The following GPR160 variants were observed in gnomAD, a reference collection of about 807,000 sequenced individuals.
The protein encoded by GPR160 is G protein-coupled receptor 160, also known as probable G protein-coupled receptor 160.
In GPR160, 2 loss-of-function variants were observed where a neutral mutation model predicts 2.6. That is an observed-to-expected ratio of 0.77 (90% CI 0.32 to 2.44). GPR160 has a LOEUF of 2.44. Ranked by LOEUF, GPR160 falls within the 30% of genes most tolerant of loss-of-function variation. The pLI, the probability that GPR160 is intolerant of heterozygous loss-of-function variation, is 0.11. For missense variants in GPR160, 351 were observed against 383.6 expected, an observed-to-expected ratio of 0.91 and a Z score of 0.71; for synonymous variants, 130 against 132.2, an observed-to-expected ratio of 0.98 and a Z score of 0.12.
chr3:170,082,973 GTT>G (rs34311852), intron 3 of GPR160, among the ~76,000 whole-genome samples: 22 of 136,400 alleles, frequency 1.6e-4, no homozygotes, highest in African/African-American at 3.8e-4. Context: ...CATTTTTGGG[GTT>G]TTTTTTTTTT....
chr3:170,053,159 A>G (rs1290869238), intron 2 of GPR160, among the ~76,000 whole-genome samples: 2 of 152,072 alleles, frequency 1.3e-5, no homozygotes, highest in East Asian at 1.9e-4. Context: ...GCTTGTGAAT[A>G]TCTTTAAAAA....
chr3:170,074,635 C>T (rs1712766111), intron 2 of GPR160, among the ~76,000 whole-genome samples: 2 of 152,160 alleles, frequency 1.3e-5, no homozygotes, highest in African/African-American at 4.8e-5. Context: ...GTGCCCACCA[C>T]CACACCCAGC....
chr3:170,045,293 G>T (rs930902818), intron 2 of GPR160, among the ~76,000 whole-genome samples: 1 of 151,528 alleles, frequency 6.6e-6, no homozygotes, highest in Non-Finnish European at 1.5e-5. Flanking sequence ...GGCCGAGCAT[G>T]GTGGCTCACA....
chr3:170,044,265 G>C (rs554187578), intron 2 of GPR160, among the ~76,000 whole-genome samples: 1 of 139,064 alleles, frequency 7.2e-6, no homozygotes, highest in Admixed American at 7.9e-5. Flanking sequence ...CGGAGGTTGC[G>C]GTGAGCCGAG....
At chr3:170,074,570 C>T (rs906976726) in intron 2 of GPR160, among the ~76,000 whole-genome samples, 1 of 152,080 alleles carries the variant, frequency 6.6e-6, no homozygotes, top group African/African-American at 2.4e-5. Flanking sequence ...CAACCTCCAC[C>T]TCCTGGGCTC....
Position 170,085,041 on chromosome 3 carries a change from A to G in GPR160, c.*52A>G. ...CATAAGATCATAATTTTATGAACAGAAAGAACTCAGGACATATTAAAAAAT... is the reference window on the plus strand; with the variant it reads ...CATAAGATCATAATTTTATGAACAGGAAGAACTCAGGACATATTAAAAAAT... On this transcript the variant is annotated 3_prime_UTR_variant, in exon 4 of 4. Transcript: ENST00000355897. The G allele has an allele frequency of 9.8e-7, 1 of 1,022,272 alleles. No homozygotes were observed. Among genetic ancestry groups the G allele is most frequent in the Non-Finnish European group, 1.4e-6 (1 of 717,112 alleles). The allele number at this position is 1,022,272 out of a possible 1,614,324, so 63.3% of individuals were successfully genotyped here.
rs1711685793 is a variant in GPR160 at position 170,057,130 on chromosome 3, T to C, written c.-193+18087T>C. Among the ~76,000 whole-genome samples the C allele has an allele frequency of 2.0e-5, 3 of 152,168 alleles. No homozygotes were observed. In the South Asian group the frequency reaches 6.2e-4, roughly 31 times the overall value. On this transcript the variant is annotated intron_variant, in intron 2 of 3. Transcript: ENST00000355897. Reference sequence around the variant, plus strand: ...CACAGGAGTTCAGGCTCCAAACACCTAGCAAAGGTAGTTATAATATAAAAA... The same window carrying C: ...CACAGGAGTTCAGGCTCCAAACACCCAGCAAAGGTAGTTATAATATAAAAA...
At chr3:170,059,922 T>C (rs1711853113) in intron 2 of GPR160, among the ~76,000 whole-genome samples, 1 of 151,998 alleles carries the variant, frequency 6.6e-6, no homozygotes, top group Non-Finnish European at 1.5e-5. Flanking sequence ...CTGTGGGAGA[T>C]GATCTTTCAA....
At chr3:170,045,330 C>T (rs928667548) in intron 2 of GPR160, among the ~76,000 whole-genome samples, 2 of 136,976 alleles carry the variant, frequency 1.5e-5, no homozygotes, top group East Asian at 4.5e-4. Context: ...TTTGGGAGGC[C>T]GAGGTGGGTG....
chr3:170,066,515 G>A (rs867805572), intron 2 of GPR160, among the ~76,000 whole-genome samples: 8 of 152,028 alleles, frequency 5.3e-5, no homozygotes, highest in African/African-American at 1.9e-4. Flanking sequence ...TTAACAATGT[G>A]TCTTGGAGAC....
chr3:170,041,526 C>T (rs1281834265), intron 2 of GPR160, among the ~76,000 whole-genome samples: 3 of 152,052 alleles, frequency 2.0e-5, no homozygotes, highest in Non-Finnish European at 2.9e-5. Flanking sequence ...GTGATCTGCC[C>T]GCCTCAGCCT....
chr3:170,080,796 G>A (rs1412704062), intron 3 of GPR160, among the ~76,000 whole-genome samples: 5 of 152,136 alleles, frequency 3.3e-5, no homozygotes, highest in Non-Finnish European at 7.4e-5. Flanking sequence ...GACCTCCTGG[G>A]CTTAGGTGAT....
At chr3:170,041,387 C>T (rs1716445094) in intron 2 of GPR160, among the ~76,000 whole-genome samples, 1 of 150,762 alleles carries the variant, frequency 6.6e-6, no homozygotes, top group Non-Finnish European at 1.5e-5. Flanking sequence ...CTGCAAGCTC[C>T]ACCTCCCGGG....
intron 2 of GPR160, among the ~76,000 whole-genome samples, chr3:170,066,852 C>G (rs901832167): frequency 7.9e-5 from 12 of 152,118 alleles, no homozygotes; most frequent in African/African-American, 2.9e-4. Context: ...GTAGGAGTTG[C>G]TCCAGTTATA....
chr3:170,071,302 T>G (rs1294475656), intron 2 of GPR160, among the ~76,000 whole-genome samples: 1 of 152,140 alleles, frequency 6.6e-6, no homozygotes, highest in Non-Finnish European at 1.5e-5. Context: ...GCTCTCCCTA[T>G]GAGTTCACGC....
At chr3:170,077,750 C>T (rs890408870) in intron 2 of GPR160, 2 of 152,348 alleles carry the variant, frequency 1.3e-5, no homozygotes, top group African/African-American at 4.8e-5. Context: ...CGAGGCTGCT[C>T]TCTTCTTCAG....
At chr3:170,042,853 T>C (rs1716519169) in intron 2 of GPR160, among the ~76,000 whole-genome samples, 2 of 138,688 alleles carry the variant, frequency 1.4e-5, no homozygotes, top group African/African-American at 5.4e-5. Flanking sequence ...AAAAAAAGAA[T>C]TCATGGTAGT....
intron 2 of GPR160, among the ~76,000 whole-genome samples, chr3:170,046,691 T>C (rs1716734807): frequency 6.6e-6 from 1 of 152,198 alleles, no homozygotes; most frequent in Non-Finnish European, 1.5e-5. Context: ...TGTTAACTAA[T>C]GTTTATTTAA....
chr3:170,065,440 A>C (rs558658165), intron 2 of GPR160, among the ~76,000 whole-genome samples: 2 of 152,334 alleles, frequency 1.3e-5, no homozygotes, highest in Non-Finnish European at 2.9e-5. Context: ...AATCTTCACC[A>C]ACCTCGGAAT....
Sources: gnomAD v4.1 joint callset for allele counts (sites outside exome capture counted in the v4.1 genomes callset) on GRCh38, gnomAD v4.1.1 for gene constraint, MANE v1.5 for transcripts, NCBI Gene and HGNC (gene_info 2026-07-23, HGNC 2026-07-21) for gene names.